The following LARGE1 variants were observed in gnomAD, a reference collection of about 807,000 sequenced individuals.
The protein encoded by LARGE1 is xylosyl- and glucuronyltransferase LARGE1.
LARGE1 carries 43 observed loss-of-function variants against 87.6 expected under a neutral mutation model. The ratio of observed to expected loss-of-function variants is 0.49; its 90% CI spans 0.38 to 0.63. The LOEUF is 0.63. Among genes scored for constraint, LARGE1 ranks in the 30% least tolerant of loss-of-function variants. LARGE1 has a pLI of 0.00. For synonymous variants in LARGE1, 434 were observed against 394.6 expected (o/e 1.10, Z -1.18); for missense variants, 802 against 1,000.2 (o/e 0.80, Z 2.67).
chr22:33,372,394 A>C (rs2052686425), intron 9 of LARGE1, among the ~76,000 whole-genome samples: 1 of 152,196 alleles, frequency 6.6e-6, no homozygotes, highest in South Asian at 2.1e-4. Context: ...TTGCTGATAA[A>C]GACATATCCA....
chr22:33,784,333 T>G (rs1339910971), intron 1 of LARGE1, among the ~76,000 whole-genome samples: 1 of 152,052 alleles, frequency 6.6e-6, no homozygotes, highest in South Asian at 2.1e-4. Flanking sequence ...CTATCCCCAA[T>G]GTATAGAAGA....
intron 6 of LARGE1, among the ~76,000 whole-genome samples, chr22:33,512,031 A>G (rs2071080818): frequency 6.6e-6 from 1 of 152,132 alleles, no homozygotes. Context: ...CCTTGTTCTT[A>G]AAAAAGTCCT....
At position 33,756,541 on chromosome 22, in the gene LARGE1, A is replaced by T. The variant is rs138470360; in HGVS notation, c.106+4830T>A. On this transcript the variant is annotated intron_variant, in intron 2 of 14. Transcript: ENST00000397394. The stretch of plus-strand genomic sequence containing the variant: ...GCAGCCAGACAAAGAAGAGGAAGGA[A>T]GTAAGAGCAATAGAGGGTGTCAGGG... Among the ~76,000 whole-genome samples, 704 of 152,248 alleles carry T rather than the reference A, an allele frequency of 4.6e-3. 8 individuals are homozygous for T. Among genetic ancestry groups the T allele is most frequent in the African/African-American group, 0.016 (666 of 41,548 alleles).
intron 2 of LARGE1, among the ~76,000 whole-genome samples, chr22:33,676,372 CAAAAAAAAAAA>C (rs10567981): frequency 4.4e-3 from 72 of 16,290 alleles, no homozygotes; most frequent in African/African-American, 6.6e-3. Flanking sequence ...GATTCAATGG[CAAAAAAAAAAA>C]AAAAAAAAAA....
At chr22:33,629,496 C>G (rs531649361) in intron 3 of LARGE1, among the ~76,000 whole-genome samples, 30 of 152,286 alleles carry the variant, frequency 2.0e-4, no homozygotes, top group African/African-American at 6.3e-4. Context: ...GGAGGCATAG[C>G]AGCAGGGCCC....
chr22:33,527,808 G>A (rs2071989929), intron 6 of LARGE1, among the ~76,000 whole-genome samples: 1 of 152,172 alleles, frequency 6.6e-6, no homozygotes, highest in Admixed American at 6.5e-5. Flanking sequence ...AGTGGAGGAG[G>A]TGTAAACAGT....
intron 11 of LARGE1, among the ~76,000 whole-genome samples, chr22:33,214,886 G>C (rs1280444914): frequency 6.6e-6 from 1 of 152,146 alleles, no homozygotes; most frequent in Non-Finnish European, 1.5e-5. Context: ...GCTGAGGAGT[G>C]CTGGGCCAGA....
At chr22:33,886,656 CAAAAAAA>C (rs869173776) in intron 1 of LARGE1, among the ~76,000 whole-genome samples, 7 of 34,566 alleles carry the variant, frequency 2.0e-4, no homozygotes, top group Non-Finnish European at 3.5e-4. Context: ...GAGATTCTGC[CAAAAAAA>C]AAAAAAAAAA....
intron 1 of LARGE1, among the ~76,000 whole-genome samples, chr22:33,797,224 C>G (rs992068109): frequency 1.3e-5 from 2 of 152,150 alleles, no homozygotes; most frequent in African/African-American, 4.8e-5. Context: ...AAGGGGGCAC[C>G]CCTCCAGCCA....
chr22:33,560,363 C>T lies in LARGE1; in HGVS notation c.787+4485G>A, dbSNP rs74976890. Among the ~76,000 whole-genome samples, 1,133 of 152,236 alleles carry T rather than the reference C, an allele frequency of 7.4e-3. 16 individuals are homozygous for T. The highest frequency in any genetic ancestry group is 0.025 in the African/African-American group (1,050 of 41,544). ...CAGTGGCATGGCACATCTGCGGTGC[C>T]GTGAGGGTGAGGAAGGCAGTGCCCA... On this transcript the variant is annotated intron_variant, in intron 6 of 14. Transcript: ENST00000397394.
At chr22:33,734,071 C>T (rs1475090047) in intron 2 of LARGE1, among the ~76,000 whole-genome samples, 2 of 152,154 alleles carry the variant, frequency 1.3e-5, no homozygotes, top group African/African-American at 4.8e-5. Flanking sequence ...CTCAGGAGTC[C>T]TCAGCTTCTA....
chr22:33,476,547 G>C (rs1403300777), intron 6 of LARGE1, among the ~76,000 whole-genome samples: 1 of 152,170 alleles, frequency 6.6e-6, no homozygotes, highest in African/African-American at 2.4e-5. Context: ...CATGTCTTCA[G>C]GACTTCCTGA....
chr22:33,800,088 T>G (rs983543042), intron 1 of LARGE1, among the ~76,000 whole-genome samples: 4 of 152,196 alleles, frequency 2.6e-5, no homozygotes, highest in Non-Finnish European at 5.9e-5. Flanking sequence ...CCCTGACTCA[T>G]TCCGTTCCAA....
chr22:33,811,945 G>C (rs140707169), intron 1 of LARGE1, among the ~76,000 whole-genome samples: 1 of 152,212 alleles, frequency 6.6e-6, no homozygotes, highest in Non-Finnish European at 1.5e-5. Context: ...GGGCTGACCC[G>C]GGCTTAGCGC....
intron 11 of LARGE1, among the ~76,000 whole-genome samples, chr22:33,201,189 T>A (rs1251698460): frequency 6.6e-6 from 1 of 152,102 alleles, no homozygotes; most frequent in Non-Finnish European, 1.5e-5. Context: ...ATGCCTGTAA[T>A]CCCAGCTACT....
At chr22:33,721,113 C>G (rs1296711052) in intron 2 of LARGE1, among the ~76,000 whole-genome samples, 1 of 152,202 alleles carries the variant, frequency 6.6e-6, no homozygotes, top group African/African-American at 2.4e-5. Flanking sequence ...AACTAAACAA[C>G]AAAACTGGGC....
intron 6 of LARGE1, among the ~76,000 whole-genome samples, chr22:33,456,589 T>C (rs962855221): frequency 2.0e-5 from 3 of 152,222 alleles, no homozygotes; most frequent in African/African-American, 4.8e-5. Context: ...TGAAGTGTCA[T>C]TGAATGAAAG....
chr22:33,618,923 G>A (rs1602744838), intron 4 of LARGE1, among the ~76,000 whole-genome samples: 2 of 152,114 alleles, frequency 1.3e-5, no homozygotes, highest in South Asian at 4.1e-4. Context: ...CCTTTGTGTG[G>A]TGTCTTTGCT....
intron 4 of LARGE1, among the ~76,000 whole-genome samples, chr22:33,614,815 G>A (rs373113393): frequency 6.6e-5 from 10 of 150,642 alleles, no homozygotes; most frequent in Non-Finnish European, 1.5e-4. Context: ...GGAGGATAGC[G>A]CTTCTCCAGC....
Sources: gnomAD v4.1 joint callset for allele counts (sites outside exome capture counted in the v4.1 genomes callset) on GRCh38, gnomAD v4.1.1 for gene constraint, MANE v1.5 for transcripts, NCBI Gene and HGNC (gene_info 2026-07-23, HGNC 2026-07-21) for gene names.